CEP63: variants seen among roughly 807,000 people sequenced by gnomAD.
CEP63 encodes centrosomal protein 63.
Under a neutral mutation model 89.1 loss-of-function variants are expected in CEP63, and 84 were observed. The ratio of observed to expected loss-of-function variants is 0.94; its 90% CI spans 0.79 to 1.13. The LOEUF (loss-of-function observed/expected upper bound fraction) is 1.13. Ranked by LOEUF, CEP63 falls within the 50% of genes most tolerant of loss-of-function variation. CEP63 has a pLI of 0.00. For missense variants in CEP63, 838 were observed against 813.3 expected (o/e 1.03, Z -0.37); for synonymous variants, 267 against 272.5 (o/e 0.98, Z 0.20).
At chr3:134,676,685 G>C in the CEP63 span, among the ~76,000 whole-genome samples, 1 of 152,284 alleles carries the variant, frequency 6.6e-6, no homozygotes, top group African/African-American at 2.4e-5. Context: ...TGGAGAAGGA[G>C]AAACAGGATC....
chr3:134,723,420 C>T, the CEP63 span, among the ~76,000 whole-genome samples: 89 of 152,156 alleles, frequency 5.8e-4, no homozygotes, highest in Admixed American at 1.2e-3. Context: ...ATAAGAAATA[C>T]GTGTAACCAA....
chr3:134,558,744 T>G (rs1956761065), intron 13 of CEP63, among the ~76,000 whole-genome samples: 1 of 152,232 alleles, frequency 6.6e-6, no homozygotes, highest in South Asian at 2.1e-4. Flanking sequence ...GAAAAGCCAC[T>G]TGGCTTCAGC....
chr3:134,562,047 A>G lies in CEP63; in HGVS notation c.*512A>G, dbSNP rs943170025. The G allele has an allele frequency of 2.0e-6, 2 of 998,718 alleles. No homozygotes were observed. The highest frequency in any genetic ancestry group is 2.4e-6 in the Non-Finnish European group (2 of 838,048). The allele number at this position is 998,718 out of a possible 1,614,324, so 61.9% of individuals were successfully genotyped here. ...CAAGGGGCTGGTAGTGTGTAAAGTC[A>G]GGCTGGTAGTGAATAAGGGGGGGGT... On this transcript the variant is annotated 3_prime_UTR_variant, in exon 15 of 15. Transcript: ENST00000675561.
intron 10 of CEP63, among the ~76,000 whole-genome samples, chr3:134,581,653 ACT>A (rs1269120965): frequency 6.6e-6 from 1 of 151,092 alleles, no homozygotes; most frequent in African/African-American, 2.4e-5. Context: ...ATTTGACAGA[ACT>A]CAATACACAT....
chr3:134,583,356 C>A (rs372472195), intron 10 of CEP63, among the ~76,000 whole-genome samples: 5 of 151,884 alleles, frequency 3.3e-5, no homozygotes, highest in East Asian at 3.9e-4. Flanking sequence ...TAATTTTTGT[C>A]TAAGGTGTAA....
the CEP63 span, among the ~76,000 whole-genome samples, chr3:134,654,995 C>G: frequency 6.6e-6 from 1 of 152,172 alleles, no homozygotes; most frequent in African/African-American, 2.4e-5. Context: ...GCAGTTATGC[C>G]AGGCAAACCT....
chr3:134,665,876 A>G, the CEP63 span, among the ~76,000 whole-genome samples: 6 of 152,092 alleles, frequency 3.9e-5, no homozygotes, highest in Non-Finnish European at 7.4e-5. Context: ...GACACTAAGA[A>G]TGAGGATGAG....
downstream of CEP63, among the ~76,000 whole-genome samples, chr3:134,592,469 G>GGTGTGTGTGTGTGT (rs34973626): frequency 0.054 from 6,723 of 125,088 alleles, 394 homozygotes; most frequent in African/African-American, 0.065. Context: ...TCTGCAAACT[G>GGTGTGTGTGTGTGT]GTGTGTGTGT....
chr3:134,531,072 C>A (rs79164635), intron 3 of CEP63, among the ~76,000 whole-genome samples: 1 of 152,114 alleles, frequency 6.6e-6, no homozygotes, highest in South Asian at 2.1e-4. Context: ...TGGTGGAACT[C>A]GTTTCTCTGG....
chr3:134,640,421 C>G, the CEP63 span, among the ~76,000 whole-genome samples: 1 of 152,122 alleles, frequency 6.6e-6, no homozygotes, highest in African/African-American at 2.4e-5. Context: ...AGGATGATAA[C>G]CTTCCACAAA....
the CEP63 span, among the ~76,000 whole-genome samples, chr3:134,743,181 A>G: frequency 6.6e-6 from 1 of 152,178 alleles, no homozygotes; most frequent in African/African-American, 2.4e-5. Flanking sequence ...CTTGCCATGA[A>G]TCCTAGGCTT....
chr3:134,573,928 A>T lies in CEP63; in HGVS notation c.1330-865A>T, dbSNP rs191384027. ...GTTTTGGAAGCCCTCAGCATTTAGGACAGCATTTAGGGCAAGCCTGGGATG... is the reference window on the plus strand; with the variant it reads ...GTTTTGGAAGCCCTCAGCATTTAGGTCAGCATTTAGGGCAAGCCTGGGATG... On this transcript the variant is annotated intron_variant, in intron 11 of 11. Transcript: ENST00000354446. 1.7e-3 allele frequency among the ~76,000 whole-genome samples: 263 copies of T among 152,266 alleles called. 1 individual carries two copies. Among genetic ancestry groups the T allele is most frequent in the Admixed American group, 3.0e-3 (46 of 15,280 alleles).
At chr3:134,691,788 C>G in the CEP63 span, among the ~76,000 whole-genome samples, 1 of 151,678 alleles carries the variant, frequency 6.6e-6, no homozygotes, top group Non-Finnish European at 1.5e-5. Context: ...GGTATGATCT[C>G]GGCTCACTGC....
intron 2 of CEP63, among the ~76,000 whole-genome samples, chr3:134,496,443 C>T (rs1217624185): frequency 2.3e-5 from 3 of 130,800 alleles, no homozygotes; most frequent in Non-Finnish European, 4.9e-5. Flanking sequence ...GGGGGGGGGG[C>T]TAAAGAACTA....
At chr3:134,706,810 G>A in the CEP63 span, among the ~76,000 whole-genome samples, 1 of 152,146 alleles carries the variant, frequency 6.6e-6, no homozygotes, top group African/African-American at 2.4e-5. Flanking sequence ...GCTTCTGGTG[G>A]CTCCAGCAAT....
chr3:134,597,147 C>A, the CEP63 span, among the ~76,000 whole-genome samples: 1 of 152,112 alleles, frequency 6.6e-6, no homozygotes, highest in Non-Finnish European at 1.5e-5. Flanking sequence ...AATGGGGAAC[C>A]ATTGGTCGGT....
the CEP63 span, among the ~76,000 whole-genome samples, chr3:134,673,821 C>A: frequency 0.62 from 93,678 of 152,026 alleles, 29,964 homozygotes; most frequent in East Asian, 0.93. Flanking sequence ...GCAGGACAAC[C>A]CCAAATCTGG....
chr3:134,543,186 AAT>A, intron 6 of CEP63, among the ~76,000 whole-genome samples: 1 of 152,224 alleles, frequency 6.6e-6, no homozygotes, highest in Non-Finnish European at 1.5e-5. Flanking sequence ...TATTCAACTC[AAT>A]ATGTCAGAAA....
At chr3:134,513,173 ATTCTGGAGGTT>A (rs1425287386) in intron 3 of CEP63, among the ~76,000 whole-genome samples, 1 of 152,182 alleles carries the variant, frequency 6.6e-6, no homozygotes, top group Non-Finnish European at 1.5e-5. Context: ...CTTCATCATT[ATTCTGGAGGTT>A]TTCTGTGCTC....
Sources: allele counts gnomAD v4.1 joint callset (sites outside exome capture counted in the v4.1 genomes callset), GRCh38; gene constraint gnomAD v4.1.1; transcripts MANE v1.5; gene names NCBI Gene and HGNC (gene_info 2026-07-23, HGNC 2026-07-21).